The following CEP192 variants were observed in gnomAD, a reference collection of about 807,000 sequenced individuals.
CEP192 encodes the protein centrosomal protein 192.
Under a neutral mutation model 271.8 loss-of-function variants are expected in CEP192, and 151 were observed. That is an observed-to-expected ratio of 0.56 (90% confidence interval 0.49 to 0.64). The LOEUF (loss-of-function observed/expected upper bound fraction) is 0.64, where lower values mean the gene tolerates loss of function less well. CEP192 is among the 30% of genes least tolerant of loss of function. CEP192 has a pLI of 0.00. For missense variants in CEP192, 2,910 were observed against 3,020.5 expected, an observed-to-expected ratio of 0.96 and a Z score of 0.86; for synonymous variants, 995 against 1,076.5, an observed-to-expected ratio of 0.92 and a Z score of 1.48.
chr18:13,097,648 TA>T (rs1280216636), intron 36 of CEP192, among the ~76,000 whole-genome samples: 14 of 140,418 alleles, frequency 1.0e-4, no homozygotes, highest in Non-Finnish European at 1.4e-4. Context: ...TTTTAACTAT[TA>T]TTTTTTTTTT....
At chr18:13,122,420 C>CA (rs1161783665) in intron 44 of CEP192, among the ~76,000 whole-genome samples, 7 of 148,864 alleles carry the variant, frequency 4.7e-5, no homozygotes, top group East Asian at 4.0e-4. Flanking sequence ...GACACCGTCT[C>CA]AAAAAAACAA....
chr18:13,057,866 C>T, intron 20 of CEP192, 133 bp downstream of exon 20: 1 of 723,074 alleles, frequency 1.4e-6, no homozygotes, highest in Non-Finnish European at 2.2e-6. Flanking sequence ...TGGTATCTTT[C>T]TCTCAGACCC....
intron 41 of CEP192, 143 bp downstream of exon 41, chr18:13,113,848 T>C: frequency 3.5e-6 from 3 of 859,954 alleles, no homozygotes; most frequent in Non-Finnish European, 5.2e-6. Context: ...ATTGGCATGT[T>C]TGAGGACTGG....
chr18:13,113,186 C>T (rs765682852), intron 40 of CEP192, among the ~76,000 whole-genome samples: 1 of 152,122 alleles, frequency 6.6e-6, no homozygotes, highest in Non-Finnish European at 1.5e-5. Flanking sequence ...AGCTCCTGGC[C>T]GCTGTGAGGC....
chr18:13,102,196 T>C (rs1169761450), intron 38 of CEP192, among the ~76,000 whole-genome samples: 3 of 152,114 alleles, frequency 2.0e-5, no homozygotes, highest in African/African-American at 7.2e-5. Flanking sequence ...CTGCTCCTGC[T>C]GTCACTCTTC....
At chr18:13,109,210 G>A (rs991971700) in intron 40 of CEP192, among the ~76,000 whole-genome samples, 2 of 152,226 alleles carry the variant, frequency 1.3e-5, no homozygotes, top group Non-Finnish European at 2.9e-5. Flanking sequence ...ATGGAATACT[G>A]TGCAGCCGTA....
chr18:13,098,255 C>T (rs573323070), intron 36 of CEP192, among the ~76,000 whole-genome samples: 8 of 150,470 alleles, frequency 5.3e-5, no homozygotes, highest in African/African-American at 7.3e-5. Flanking sequence ...CCGGACGGGA[C>T]GGCTGGCCAG....
chr18:13,028,081 G>A (rs533517023), intron 9 of CEP192, among the ~76,000 whole-genome samples: 13 of 152,218 alleles, frequency 8.5e-5, no homozygotes, highest in Admixed American at 5.2e-4. Flanking sequence ...GCTCTTAGAG[G>A]AGAATCCTTC....
chr18:13,075,380 A>G (rs2038216879), intron 30 of CEP192, among the ~76,000 whole-genome samples: 1 of 152,158 alleles, frequency 6.6e-6, no homozygotes, highest in African/African-American at 2.4e-5. Flanking sequence ...ATCCTGACCA[A>G]CATGGTGAAA....
intron 4 of CEP192, among the ~76,000 whole-genome samples, chr18:13,011,798 G>A (rs1486523107): frequency 6.6e-6 from 1 of 152,194 alleles, no homozygotes; most frequent in African/African-American, 2.4e-5. Context: ...AGAGTGCTGG[G>A]ATTACAGGCA....
chr18:13,022,129 T>C (rs2035030153), intron 9 of CEP192, among the ~76,000 whole-genome samples: 1 of 152,228 alleles, frequency 6.6e-6, no homozygotes, highest in Non-Finnish European at 1.5e-5. Context: ...GAAAAGACTA[T>C]CTTTGCTTCA....
intron 1 of CEP192, among the ~76,000 whole-genome samples, chr18:12,996,169 A>C (rs1225254245): frequency 1.4e-5 from 2 of 142,244 alleles, no homozygotes; most frequent in Non-Finnish European, 3.0e-5. Context: ...GTGAGTGTCC[A>C]GGCAGGAAGT....
chr18:13,067,978 GA>G (rs757372056), intron 22 of CEP192, 22 bp downstream of exon 22: 1 of 1,602,910 alleles, frequency 6.2e-7, no homozygotes, highest in Non-Finnish European at 8.5e-7. Context: ...CATACAGTAA[GA>G]AACCATTTAC....
At chr18:13,074,248 C>T (rs992303873) in intron 30 of CEP192, among the ~76,000 whole-genome samples, 1 of 152,152 alleles carries the variant, frequency 6.6e-6, no homozygotes, top group Non-Finnish European at 1.5e-5. Flanking sequence ...GACGCTGGAG[C>T]TTGAGCTCTG....
Position 13,052,900 on chromosome 18 carries a change from A to G in CEP192, c.3018-19A>G, listed in dbSNP as rs762812027. 1 of 1,170,676 alleles carries G rather than the reference A, an allele frequency of 8.5e-7. No homozygotes were observed. The highest frequency in any genetic ancestry group is 4.4e-5 in the East Asian group (1 of 22,496). 72.5% of individuals were successfully genotyped at this position (1,170,676 alleles called of 1,614,324 possible). A position where few individuals can be genotyped will look rare whatever the true frequency, so the allele number is the denominator to read the frequency against. ...GAAGGACTGGAGAACTCCAGGTGTG[A>G]GCTACTCTTCTCTTTCAGGTGTGCG... On this transcript the variant is annotated intron_variant, in intron 17 of 44. Transcript: ENST00000506447.
At chr18:13,009,379 T>C (rs1182886903) in intron 4 of CEP192, among the ~76,000 whole-genome samples, 1 of 152,224 alleles carries the variant, frequency 6.6e-6, no homozygotes, top group Admixed American at 6.5e-5. Context: ...ATCTTCCACT[T>C]TTCTCCCACT....
chr18:13,125,007 T>C lies in CEP192; in HGVS notation c.*237T>C. The C allele has an allele frequency of 3.1e-6, 1 of 325,286 alleles. No homozygotes were observed. The highest frequency in any genetic ancestry group is 6.9e-5 in the South Asian group (1 of 14,430). The allele number at this position is 325,286 out of a possible 1,614,324, so 20.1% of individuals were successfully genotyped here. On this transcript the variant is annotated 3_prime_UTR_variant, in exon 45 of 45. Transcript: ENST00000506447. ...AGTTCTGTGTTTGCATTGATTATGA[T>C]ATTCTGAATAAATATGGAATATATT...
At chr18:13,093,337 C>T (rs67357574) in intron 34 of CEP192, among the ~76,000 whole-genome samples, 20,791 of 152,164 alleles carry the variant, frequency 0.14, 1,560 homozygotes, top group East Asian at 0.31. Context: ...ACAAAAATAA[C>T]CTTCCTCTTT....
At chr18:13,031,248 T>TTG (rs2035607793) in intron 11 of CEP192, among the ~76,000 whole-genome samples, 1 of 142,522 alleles carries the variant, frequency 7.0e-6, no homozygotes, top group Admixed American at 6.9e-5. Context: ...TTGTTGTTTT[T>TTG]TTTTTTTTTT....
Sources: allele counts gnomAD v4.1 joint callset (sites outside exome capture counted in the v4.1 genomes callset), GRCh38; gene constraint gnomAD v4.1.1; transcripts MANE v1.5; gene names NCBI Gene and HGNC (gene_info 2026-07-23, HGNC 2026-07-21).